The following NRXN1 variants were observed in gnomAD, a reference collection of about 807,000 sequenced individuals.
The protein encoded by NRXN1 is neurexin-1.
In NRXN1, 39 loss-of-function variants were observed where a neutral mutation model predicts 150.9. The ratio of observed to expected loss-of-function variants is 0.26; its 90% CI spans 0.20 to 0.34. NRXN1 has a LOEUF of 0.34. NRXN1 is among the 10% of genes least tolerant of loss of function. NRXN1 has a pLI of 1.00. For synonymous variants in NRXN1, 924 were observed against 757.0 expected (o/e 1.22, Z -3.62); for missense variants, 1,815 against 1,949.9 (o/e 0.93, Z 1.30).
chr2:49,933,895 G>C (rs1424407841), intron 22 of NRXN1, among the ~76,000 whole-genome samples: 1 of 152,192 alleles, frequency 6.6e-6, no homozygotes, highest in East Asian at 1.9e-4. Context: ...CCCGGGAGTA[G>C]TTGTATTTGA....
At chr2:50,206,228 TACACACAC>T (rs66795755) in intron 18 of NRXN1, among the ~76,000 whole-genome samples, 1,507 of 106,408 alleles carry the variant, frequency 0.014, 22 homozygotes, top group African/African-American at 0.041. Flanking sequence ...TACACACAAA[TACACACAC>T]ACACACACAC....
chr2:50,231,267 T>C (rs868118177), intron 18 of NRXN1, among the ~76,000 whole-genome samples: 5 of 152,090 alleles, frequency 3.3e-5, no homozygotes, highest in African/African-American at 1.2e-4. Flanking sequence ...GTTTATCTTG[T>C]TGATATAGGT....
chr2:50,158,110 G>C (rs1272042007), intron 18 of NRXN1, among the ~76,000 whole-genome samples: 1 of 124,294 alleles, frequency 8.0e-6, no homozygotes, highest in Non-Finnish European at 1.8e-5. Flanking sequence ...TGTGTGTGTA[G>C]GGGGAGTCAA....
chr2:51,031,783 G>A (rs1289959883), intron 1 of NRXN1, among the ~76,000 whole-genome samples, 198 bp downstream of exon 1: 2 of 151,954 alleles, frequency 1.3e-5, no homozygotes, highest in Admixed American at 1.3e-4. Flanking sequence ...TACTACCCCA[G>A]TTCCACCATC....
intron 5 of NRXN1, among the ~76,000 whole-genome samples, chr2:50,729,573 G>A (rs1470912930): frequency 6.6e-6 from 1 of 152,168 alleles, no homozygotes; most frequent in South Asian, 2.1e-4. Flanking sequence ...AGTTGATATG[G>A]CAATTCCAAA....
At chr2:50,110,491 C>CAAAAAAAAAAA (rs5831088) in intron 18 of NRXN1, among the ~76,000 whole-genome samples, 10 of 85,606 alleles carry the variant, frequency 1.2e-4, no homozygotes, top group African/African-American at 2.7e-4. Context: ...GACTCTGTCT[C>CAAAAAAAAAAA]AAAAAAAAAA....
intron 17 of NRXN1, among the ~76,000 whole-genome samples, chr2:50,415,756 G>A (rs919126798): frequency 6.6e-5 from 10 of 151,570 alleles, no homozygotes; most frequent in African/African-American, 2.2e-4. Flanking sequence ...CTTATCACTC[G>A]TAGTTACATC....
At chr2:50,971,958 A>T (rs1275687504) in intron 2 of NRXN1, among the ~76,000 whole-genome samples, 4 of 152,126 alleles carry the variant, frequency 2.6e-5, no homozygotes, top group Non-Finnish European at 4.4e-5. Flanking sequence ...TATTTTCCCA[A>T]AGAGAATCTT....
intron 5 of NRXN1, among the ~76,000 whole-genome samples, chr2:50,895,730 G>C (rs1381294214): frequency 6.6e-6 from 1 of 151,716 alleles, no homozygotes; most frequent in Non-Finnish European, 1.5e-5. Context: ...ACAGGAGTGC[G>C]CCACCACGCC....
At chr2:50,793,552 A>G (rs950857104) in intron 5 of NRXN1, among the ~76,000 whole-genome samples, 2 of 152,106 alleles carry the variant, frequency 1.3e-5, no homozygotes, top group Non-Finnish European at 2.9e-5. Context: ...CCTTAATTTT[A>G]TTATCATGGG....
chr2:50,171,983 C>T (rs2060058302), intron 18 of NRXN1, among the ~76,000 whole-genome samples: 3 of 152,128 alleles, frequency 2.0e-5, no homozygotes, highest in African/African-American at 7.2e-5. Context: ...AGTCATGACC[C>T]TCTTTACTCA....
At chr2:50,433,033 T>C (rs1039666933) in intron 17 of NRXN1, among the ~76,000 whole-genome samples, 1 of 152,130 alleles carries the variant, frequency 6.6e-6, no homozygotes, top group African/African-American at 2.4e-5. Flanking sequence ...AAGAATTTCC[T>C]CCTTAATAAA....
At chr2:50,601,929 C>T (rs375593386) in intron 8 of NRXN1, among the ~76,000 whole-genome samples, 10 of 152,178 alleles carry the variant, frequency 6.6e-5, no homozygotes, top group Non-Finnish European at 1.0e-4. Flanking sequence ...CAATGTTCAC[C>T]GGTTACATGG....
In NRXN1 at chr2:50,130,386, C is replaced by T. The variant is rs554314364; in HGVS notation, c.3547-38892G>A. ...TAGGCATCCTCTTCTCAGAAGGAAT[C>T]AACATGTAGCCCATAAAAAACAGAA... On this transcript the variant is annotated intron_variant, in intron 18 of 22. Transcript: ENST00000401669. Among the ~76,000 whole-genome samples the T allele has an allele frequency of 1.1e-4, 17 of 152,212 alleles. 1 individual carries two copies. In the South Asian group the frequency reaches 3.5e-3, roughly 32 times the overall value.
At chr2:50,465,331 C>A (rs933042444) in intron 17 of NRXN1, 111 bp downstream of exon 17, 8 of 1,080,496 alleles carry the variant, frequency 7.4e-6, no homozygotes, top group Admixed American at 2.9e-5. Flanking sequence ...TGGGTTATGA[C>A]AGTTCGACTG....
At chr2:50,808,386 G>A (rs1214180613) in intron 5 of NRXN1, among the ~76,000 whole-genome samples, 2 of 151,884 alleles carry the variant, frequency 1.3e-5, no homozygotes, top group South Asian at 2.1e-4. Flanking sequence ...ATACATCATT[G>A]TTAATTTTGA....
chr2:50,276,967 C>T (rs2152927962), intron 17 of NRXN1, among the ~76,000 whole-genome samples: 1 of 152,234 alleles, frequency 6.6e-6, no homozygotes, highest in African/African-American at 2.4e-5. Flanking sequence ...GCTCTCATTT[C>T]ATGTAAGCAT....
chr2:50,241,406 C>T (rs921612971), intron 17 of NRXN1, among the ~76,000 whole-genome samples: 2 of 151,686 alleles, frequency 1.3e-5, no homozygotes, highest in African/African-American at 4.8e-5. Context: ...GAATGTGTCA[C>T]CTTTATTATT....
Position 49,961,619 on chromosome 2 carries a change from T to C in NRXN1, c.4129-17828A>G, listed in dbSNP as rs189903285. On this transcript the variant is annotated intron_variant, in intron 21 of 22. Transcript: ENST00000401669. ...ATTTTAAACAAAAATAGATTAGGCCTTTTGAAAAATATTCAGTGAAATTTC... is the reference window on the plus strand; with the variant it reads ...ATTTTAAACAAAAATAGATTAGGCCCTTTGAAAAATATTCAGTGAAATTTC... Among the ~76,000 whole-genome samples the C allele has an allele frequency of 9.2e-5, 14 of 152,306 alleles. No homozygotes were observed. In the East Asian group the frequency reaches 2.7e-3, roughly 29 times the overall value.
Sources: gnomAD v4.1 joint callset for allele counts (sites outside exome capture counted in the v4.1 genomes callset) on GRCh38, gnomAD v4.1.1 for gene constraint, MANE v1.5 for transcripts, NCBI Gene and HGNC (gene_info 2026-07-23, HGNC 2026-07-21) for gene names.